Variants in ITSN1 observed in about 807,000 individuals in gnomAD.
The protein encoded by ITSN1 is intersectin-1.
Under a neutral mutation model 239.8 loss-of-function variants are expected in ITSN1, and 58 were observed. That is an observed-to-expected ratio of 0.24 (90% confidence interval 0.20 to 0.30). The LOEUF is 0.30. Ranked by LOEUF, ITSN1 falls within the 10% of genes least tolerant of loss-of-function variation. The pLI, the probability that ITSN1 is intolerant of heterozygous loss-of-function variation, is 1.00. For synonymous variants in ITSN1, 780 were observed against 770.8 expected, an observed-to-expected ratio of 1.01 and a Z score of -0.20; for missense variants, 1,558 against 2,103.3, an observed-to-expected ratio of 0.74 and a Z score of 5.07.
chr21:33,702,893 C>A (rs1478275680), intron 1 of ITSN1, among the ~76,000 whole-genome samples: 2 of 152,144 alleles, frequency 1.3e-5, no homozygotes, highest in African/African-American at 4.8e-5. Flanking sequence ...GCCTGGCCAA[C>A]ATGGTGAAAC....
At position 33,892,025 on chromosome 21, in the gene ITSN1, T is replaced by G. The variant is rs1986396304; in HGVS notation, c.*3725T>G. On this transcript the variant is annotated 3_prime_UTR_variant, in exon 40 of 40. Transcript: ENST00000381318. ...TATAGCAGACACTAGCACTTTTACA[T>G]GAATACCTGGTGTGCTTTGGATGTA... The G allele has an allele frequency of 6.6e-6, 1 of 152,244 alleles. No homozygotes were observed. Among genetic ancestry groups the G allele is most frequent in the Non-Finnish European group, 1.5e-5 (1 of 68,040 alleles). The allele number at this position is 152,244 out of a possible 1,614,324, so 9.4% of individuals were successfully genotyped here.
chr21:33,708,221 A>G (rs1466858902), intron 1 of ITSN1, among the ~76,000 whole-genome samples: 1 of 152,210 alleles, frequency 6.6e-6, no homozygotes. Context: ...TTATTCTTAA[A>G]TTGTAAGAGT....
chr21:33,790,325 A>G (rs889927686), intron 16 of ITSN1, among the ~76,000 whole-genome samples: 1 of 117,804 alleles, frequency 8.5e-6, no homozygotes, highest in Non-Finnish European at 2.1e-5. Flanking sequence ...TACACATTTT[A>G]TAGTTTTATT....
intron 31 of ITSN1, among the ~76,000 whole-genome samples, chr21:33,861,808 T>C (rs931608629): frequency 2.6e-5 from 4 of 151,588 alleles, no homozygotes; most frequent in Non-Finnish European, 5.9e-5. Context: ...TAGCCAGGCG[T>C]GGTGGCGGGC....
In ITSN1 at chr21:33,695,746, T is replaced by C. The variant is rs1368313430; in HGVS notation, c.-32-23051T>C. Among the ~76,000 whole-genome samples, 3 of 152,256 alleles carry C rather than the reference T, an allele frequency of 2.0e-5. No homozygotes were observed. In the East Asian group the frequency reaches 5.8e-4, roughly 29 times the overall value. ...TTCTTCTTTTTATTTTGGATCTCAG[T>C]GTGTTTGTGATTTTTAACAGAAACG... is the stretch of plus-strand genomic sequence containing the variant. On this transcript the variant is annotated intron_variant, in intron 1 of 39. Transcript: ENST00000381318.
At chr21:33,743,447 T>C (rs553185046) in intron 5 of ITSN1, among the ~76,000 whole-genome samples, 6 of 152,232 alleles carry the variant, frequency 3.9e-5, no homozygotes, top group East Asian at 1.9e-4. Context: ...GCCTCGGGGA[T>C]AGAGTGAGAC....
chr21:33,735,136 A>G lies in ITSN1; in HGVS notation c.278A>G (p.Gln93Arg). The change falls in exon 5 of 40, where the codon CAG becomes CGG. Residue 93 changes from glutamine to arginine, a missense_variant. This residue lies in a region of ITSN1 where 982 missense variants were observed against 1,209.9 expected (regional missense o/e 0.81). Transcript: ENST00000381318. ...ATCAAACTGAAGCTACAAGGATATC[A>G]GCTACCCTCTGCACTTCCCCCTGTC... ...KLIKLKLQGY[Q>R]LPSALPPVMK... is the part of the protein sequence containing the mutation. The G allele has an allele frequency of 6.2e-7, 1 of 1,614,072 alleles. No individual in the cohort carries two copies. Among genetic ancestry groups the G allele is most frequent in the Non-Finnish European group, 8.5e-7 (1 of 1,179,928 alleles).
intron 16 of ITSN1, among the ~76,000 whole-genome samples, chr21:33,782,822 G>C (rs559654628): frequency 2.6e-5 from 4 of 151,848 alleles, no homozygotes; most frequent in Non-Finnish European, 4.4e-5. Flanking sequence ...TCAGGAGATC[G>C]AGACCATCCT....
chr21:33,650,870 GAGAAT>G (rs1286392760), intron 1 of ITSN1, among the ~76,000 whole-genome samples: 1 of 152,218 alleles, frequency 6.6e-6, no homozygotes, highest in Non-Finnish European at 1.5e-5. Context: ...GTCATTAAAT[GAGAAT>G]AGATCTGTAT....
At chr21:33,726,882 C>G (rs1284799324) in intron 4 of ITSN1, among the ~76,000 whole-genome samples, 1 of 152,206 alleles carries the variant, frequency 6.6e-6, no homozygotes, top group Non-Finnish European at 1.5e-5. Flanking sequence ...CTGAGCTTTA[C>G]TTACTTTGTT....
Position 33,714,811 on chromosome 21 carries a change from C to T in ITSN1, c.-32-3986C>T, listed in dbSNP as rs148706352. 5.4e-3 allele frequency among the ~76,000 whole-genome samples: 816 copies of T among 152,170 alleles called. 6 individuals carry two copies. In the Middle Eastern group the frequency reaches 0.11, roughly 20 times the overall value. ...ATTTGTTGCATAGTATTATGTATAACATTTTCTTAAACAAAAAGCTTAAAG... is the reference window on the plus strand; with the variant it reads ...ATTTGTTGCATAGTATTATGTATAATATTTTCTTAAACAAAAAGCTTAAAG... On this transcript the variant is annotated intron_variant, in intron 1 of 39. Coordinates refer to ENST00000381318, the MANE Select transcript of ITSN1 (RefSeq NM_003024.3).
intron 16 of ITSN1, among the ~76,000 whole-genome samples, chr21:33,792,427 C>A (rs2071212974): frequency 6.6e-6 from 1 of 152,038 alleles, no homozygotes; most frequent in Non-Finnish European, 1.5e-5. Context: ...GGTGGCGTAA[C>A]TTTTAAGTAT....
chr21:33,811,323 A>G (rs769455110), intron 21 of ITSN1, 101 bp downstream of exon 21: 7 of 1,174,770 alleles, frequency 6.0e-6, no homozygotes, highest in South Asian at 1.6e-5. Flanking sequence ...TTGTCCTTCT[A>G]TGTGAGGGAG....
chr21:33,838,444 C>A, intron 29 of ITSN1: 1 of 982,718 alleles, frequency 1.0e-6, no homozygotes, highest in Non-Finnish European at 1.2e-6. Flanking sequence ...AACTGTAATA[C>A]AACCTTTTGA....
chr21:33,719,730 A>G (rs1227116724), intron 2 of ITSN1, among the ~76,000 whole-genome samples: 3 of 152,174 alleles, frequency 2.0e-5, no homozygotes, highest in Non-Finnish European at 4.4e-5. Flanking sequence ...GATTTGAAGC[A>G]TGACATTTTT....
At chr21:33,803,412 TAAAC>T (rs1413858911) in intron 20 of ITSN1, among the ~76,000 whole-genome samples, 1 of 152,084 alleles carries the variant, frequency 6.6e-6, no homozygotes, top group African/African-American at 2.4e-5. Context: ...TAAAAGCAAA[TAAAC>T]AGCCCAATGT....
chr21:33,849,782 T>C (rs2075101516), intron 29 of ITSN1, among the ~76,000 whole-genome samples: 1 of 152,194 alleles, frequency 6.6e-6, no homozygotes, highest in Non-Finnish European at 1.5e-5. Flanking sequence ...CATAAATATA[T>C]ACACCTACAA....
At chr21:33,785,803 A>G (rs2070620050) in intron 16 of ITSN1, among the ~76,000 whole-genome samples, 1 of 152,138 alleles carries the variant, frequency 6.6e-6, no homozygotes, top group Admixed American at 6.5e-5. Context: ...TTTGTTTTCC[A>G]AAAAAGGCTG....
chr21:33,850,248 T>C (rs1174079009), intron 29 of ITSN1, among the ~76,000 whole-genome samples: 1 of 152,196 alleles, frequency 6.6e-6, no homozygotes, highest in Non-Finnish European at 1.5e-5. Context: ...ATTGGCACTT[T>C]TAAGCATCTG....
Sources: gnomAD v4.1 joint callset for allele counts (sites outside exome capture counted in the v4.1 genomes callset) on GRCh38, gnomAD v4.1.1 for gene constraint, gnomAD v4.1.1 regional missense constraint, MANE v1.5 for transcripts, NCBI Gene and HGNC (gene_info 2026-07-23, HGNC 2026-07-21) for gene names.